Variants in AGBL1 observed in about 807,000 individuals in gnomAD.
AGBL1 encodes the protein AGBL carboxypeptidase 1, also known as cytosolic carboxypeptidase 4.
In AGBL1, 130 loss-of-function variants were observed where a neutral mutation model predicts 118.9. The observed-to-expected ratio is 1.09, with a 90% confidence interval of 0.95 to 1.26. AGBL1 has a LOEUF of 1.26. Ranked by LOEUF, AGBL1 falls within the 50% of genes most tolerant of loss-of-function variation. The probability of loss-of-function intolerance (pLI) is 0.00; values close to 1 mark genes in which losing one functional copy is unlikely to be tolerated. For synonymous variants in AGBL1, 555 were observed against 478.9 expected, an observed-to-expected ratio of 1.16 and a Z score of -2.08; for missense variants, 1,584 against 1,298.1, an observed-to-expected ratio of 1.22 and a Z score of -3.38.
intron 18 of AGBL1, among the ~76,000 whole-genome samples, chr15:86,522,001 T>C (rs1437742598): frequency 6.6e-6 from 1 of 152,126 alleles, no homozygotes; most frequent in Non-Finnish European, 1.5e-5. Flanking sequence ...TGGTAATCTC[T>C]GGTGGTTGTG....
At position 86,258,007 on chromosome 15, in the gene AGBL1, T is replaced by C. The variant is rs374213102; in HGVS notation, c.945T>C (p.Ser315=). 2.7e-4 allele frequency: 438 copies of C among 1,613,642 alleles called. No individual in the cohort carries two copies. Among genetic ancestry groups the C allele is most frequent in the Non-Finnish European group, 3.4e-4 (404 of 1,179,814 alleles). ...DDGDDEVDKD[S]DTEDGKVEDD... is the part of the protein sequence containing the mutation. ...GCGATGATGAAGTGGACAAAGACTC[T>C]GATACTGAAGATGGGAAAGTGGAAG... The change falls in exon 9 of 23, where the codon TCT becomes TCC. Residue 315 remains serine, a synonymous_variant. Transcript: ENST00000614907.
At chr15:86,431,061 C>G (rs528765813) in intron 18 of AGBL1, among the ~76,000 whole-genome samples, 4 of 152,306 alleles carry the variant, frequency 2.6e-5, no homozygotes, top group African/African-American at 9.6e-5. Context: ...CCTGGTCTAT[C>G]TTGCTCCAAA....
In AGBL1 at chr15:86,613,323, C is replaced by T. The variant is rs1211200454; in HGVS notation, c.2994+58786C>T. 1.3e-5 allele frequency among the ~76,000 whole-genome samples: 2 copies of T among 152,142 alleles called. No individual in the cohort carries two copies. Among genetic ancestry groups the T allele is most frequent in the Non-Finnish European group, 2.9e-5 (2 of 68,022 alleles). ...GTGAAGGCAGTCGAGGTCCCATGAA[C>T]TTGTAGGTGACTTTAGCTGGATCTA... On this transcript the variant is annotated intron_variant, in intron 21 of 22. Transcript: ENST00000614907. The surrounding 1 kb of genome is among the most constrained non-coding windows in gnomAD (Gnocchi z 4.2).
At chr15:86,246,761 T>C (rs949153856) in intron 6 of AGBL1, among the ~76,000 whole-genome samples, 5 of 152,252 alleles carry the variant, frequency 3.3e-5, no homozygotes, top group African/African-American at 4.8e-5. Context: ...CTTGATTATA[T>C]ATAAATTAGC....
intron 23 of AGBL1, among the ~76,000 whole-genome samples, chr15:86,964,111 T>C (rs1289459537): frequency 1.3e-5 from 2 of 151,678 alleles, no homozygotes; most frequent in Non-Finnish European, 2.9e-5. Context: ...CTAATTTTAC[T>C]TGAGTAAAGT....
At chr15:86,494,540 G>C (rs544775532) in intron 18 of AGBL1, among the ~76,000 whole-genome samples, 1 of 152,140 alleles carries the variant, frequency 6.6e-6, no homozygotes, top group Admixed American at 6.5e-5. Flanking sequence ...CTGGGTTGAG[G>C]AACTCAACTT....
chr15:86,220,258 G>T (rs1416584383), intron 5 of AGBL1, among the ~76,000 whole-genome samples: 1 of 152,016 alleles, frequency 6.6e-6, no homozygotes, highest in Non-Finnish European at 1.5e-5. Flanking sequence ...AGTGAATACT[G>T]CCTCTTGCTA....
At chr15:86,169,481 C>T (rs2077385873) in intron 5 of AGBL1, among the ~76,000 whole-genome samples, 1 of 152,140 alleles carries the variant, frequency 6.6e-6, no homozygotes, top group South Asian at 2.1e-4. Context: ...ATAAAGTCAT[C>T]CCTCGATATT....
intron 21 of AGBL1, among the ~76,000 whole-genome samples, chr15:86,639,997 A>AT (rs1461950758): frequency 6.6e-6 from 1 of 151,990 alleles, no homozygotes; most frequent in African/African-American, 2.4e-5. Context: ...GGGCTGTGAC[A>AT]TTTTTTCCAG....
At chr15:86,304,741 C>A (rs1057438210) in intron 17 of AGBL1, among the ~76,000 whole-genome samples, 3 of 152,174 alleles carry the variant, frequency 2.0e-5, no homozygotes, top group East Asian at 1.9e-4. Context: ...GCTATGGTCT[C>A]CACACCACTT....
intron 5 of AGBL1, among the ~76,000 whole-genome samples, chr15:86,180,742 C>T (rs1313341754): frequency 6.6e-6 from 1 of 152,026 alleles, no homozygotes; most frequent in East Asian, 1.9e-4. Context: ...ACAGGCTACA[C>T]ACTGGGAGAC....
chr15:86,925,192 A>AG (rs2080523418), intron 23 of AGBL1, among the ~76,000 whole-genome samples: 7 of 100,934 alleles, frequency 6.9e-5, no homozygotes, highest in Admixed American at 2.0e-4. Context: ...AGAGGAAGAA[A>AG]AGAAGAAAAG....
intron 20 of AGBL1, among the ~76,000 whole-genome samples, chr15:86,549,521 TA>T (rs1448551975): frequency 6.6e-6 from 1 of 151,922 alleles, no homozygotes; most frequent in Non-Finnish European, 1.5e-5. Flanking sequence ...GTTAAAAATT[TA>T]AAAACATTTA....
At chr15:86,623,357 T>G (rs2084840701) in intron 21 of AGBL1, among the ~76,000 whole-genome samples, 1 of 152,216 alleles carries the variant, frequency 6.6e-6, no homozygotes. Context: ...AGCACAGGGT[T>G]TGAGGGCAAC....
intron 17 of AGBL1, among the ~76,000 whole-genome samples, chr15:86,382,260 A>G (rs997738799): frequency 6.6e-6 from 1 of 152,202 alleles, no homozygotes; most frequent in African/African-American, 2.4e-5. Context: ...GGAAGGTTTT[A>G]GGATGGCAGA....
intron 21 of AGBL1, among the ~76,000 whole-genome samples, chr15:86,591,128 C>T (rs556405775): frequency 3.3e-5 from 5 of 152,294 alleles, no homozygotes; most frequent in Admixed American, 3.3e-4. Flanking sequence ...AAAGGTGTCC[C>T]TCAATTTGTG....
At chr15:86,331,221 C>A (rs1209995047) in intron 17 of AGBL1, among the ~76,000 whole-genome samples, 2 of 75,890 alleles carry the variant, frequency 2.6e-5, no homozygotes, top group African/African-American at 9.7e-5. Context: ...GAGACTCCAT[C>A]TCAAAAAAAA....
At chr15:86,383,693 C>T (rs1408025097) in intron 17 of AGBL1, among the ~76,000 whole-genome samples, 1 of 152,200 alleles carries the variant, frequency 6.6e-6, no homozygotes, top group Admixed American at 6.5e-5. Context: ...GTAAGGGCAT[C>T]CTGCAACAAA....
chr15:86,109,734 T>G (rs1897251604), intron 1 of AGBL1: 1 of 152,212 alleles, frequency 6.6e-6, no homozygotes, highest in African/African-American at 2.4e-5. Context: ...AGATTCCAGC[T>G]CTGTCCATTG....
Sources: gnomAD v4.1 joint callset for allele counts (sites outside exome capture counted in the v4.1 genomes callset) on GRCh38, gnomAD v4.1.1 for gene constraint, Gnocchi (gnomAD v3.1) non-coding constraint, MANE v1.5 for transcripts, NCBI Gene and HGNC (gene_info 2026-07-23, HGNC 2026-07-21) for gene names.